The following SORCS1 variants were observed in gnomAD, a reference collection of about 807,000 sequenced individuals.
SORCS1 encodes VPS10 domain-containing receptor SorCS1.
Under a neutral mutation model 146.1 loss-of-function variants are expected in SORCS1, and 60 were observed. That is an observed-to-expected ratio of 0.41 (90% confidence interval 0.33 to 0.51). The LOEUF is 0.51. Among genes scored for constraint, SORCS1 ranks in the 20% least tolerant of loss-of-function variants. The pLI is 0.21. For synonymous variants in SORCS1, 637 were observed against 584.0 expected, an observed-to-expected ratio of 1.09 and a Z score of -1.31; for missense variants, 1,352 against 1,487.6, an observed-to-expected ratio of 0.91 and a Z score of 1.50.
intron 18 of SORCS1, among the ~76,000 whole-genome samples, chr10:106,644,113 T>C (rs1299862796): frequency 6.6e-6 from 1 of 152,174 alleles, no homozygotes; most frequent in Non-Finnish European, 1.5e-5. Context: ...TTTGCCCAAA[T>C]ACCTAGATAT....
At chr10:106,876,667 C>T (rs1333995340) in intron 2 of SORCS1, among the ~76,000 whole-genome samples, 1 of 152,172 alleles carries the variant, frequency 6.6e-6, no homozygotes, top group Non-Finnish European at 1.5e-5. Flanking sequence ...GTCCATGAGC[C>T]TAATTTTCTC....
intron 5 of SORCS1, among the ~76,000 whole-genome samples, chr10:106,748,992 G>T (rs1857950818): frequency 6.6e-6 from 1 of 152,174 alleles, no homozygotes. Flanking sequence ...TTAAGTTATG[G>T]AGGAACAGAA....
At chr10:107,121,617 T>TAA (rs536852436) in intron 1 of SORCS1, among the ~76,000 whole-genome samples, 1 of 144,876 alleles carries the variant, frequency 6.9e-6, no homozygotes, top group Non-Finnish European at 1.5e-5. Flanking sequence ...GATTCTACAG[T>TAA]AAAAAAAAAA....
chr10:106,675,107 T>C lies in SORCS1; in HGVS notation c.1882A>G (p.Ile628Val), dbSNP rs1326554813. The C allele has an allele frequency of 3.7e-6, 6 of 1,613,978 alleles. No homozygotes were observed. The highest frequency in any genetic ancestry group is 5.1e-6 in the Non-Finnish European group (6 of 1,179,928). The change falls in exon 14 of 26, where the codon ATT (isoleucine) becomes GTT (valine). Residue 628 changes from isoleucine (I) to valine (V), a missense_variant. By Grantham distance (29) the Ile-to-Val change is conservative (BLOSUM62 3). Around this residue, in one of 3 missense-constraint regions of SORCS1, gnomAD observed 648 missense variants for 793.8 expected, o/e 0.82. Coordinates refer to ENST00000263054, the MANE Select transcript of SORCS1 (RefSeq NM_052918.5). ...AGAACCCCATCCACAAAAAGTGGAA[T>C]AGATGTGAAACTGTATTTGCTCCAA... ...RSWSKYSFTS[I>V]PLFVDGVLGE...
At chr10:106,907,835 G>A (rs536972981) in intron 2 of SORCS1, among the ~76,000 whole-genome samples, 12 of 151,658 alleles carry the variant, frequency 7.9e-5, no homozygotes, top group South Asian at 6.3e-4. Context: ...GCTGAGGCAG[G>A]AGAATCGCTT....
At chr10:106,951,000 A>G (rs1008447156) in intron 2 of SORCS1, among the ~76,000 whole-genome samples, 1 of 152,178 alleles carries the variant, frequency 6.6e-6, no homozygotes, top group Non-Finnish European at 1.5e-5. Flanking sequence ...GAAAATATCC[A>G]CATGAGGAAA....
chr10:106,602,512 A>AACACACAC (rs66699179), intron 23 of SORCS1, among the ~76,000 whole-genome samples: 3,368 of 138,782 alleles, frequency 0.024, 57 homozygotes, highest in Middle Eastern at 0.049. Context: ...ATTCCTTCAT[A>AACACACAC]ACACACACAC....
At chr10:106,779,321 G>A (rs1042818885) in intron 3 of SORCS1, among the ~76,000 whole-genome samples, 16 of 152,052 alleles carry the variant, frequency 1.1e-4, no homozygotes, top group African/African-American at 3.4e-4. Flanking sequence ...GAACAAACAG[G>A]TCAATCTGGA....
intron 3 of SORCS1, among the ~76,000 whole-genome samples, chr10:106,782,070 A>C (rs1393644772): frequency 1.3e-5 from 2 of 152,140 alleles, no homozygotes; most frequent in African/African-American, 4.8e-5. Flanking sequence ...TATTAGCACA[A>C]AATCGCGTCA....
intron 2 of SORCS1, among the ~76,000 whole-genome samples, chr10:106,858,140 T>C (rs1252526338): frequency 1.3e-5 from 2 of 152,228 alleles, no homozygotes; most frequent in Non-Finnish European, 2.9e-5. Flanking sequence ...TTCCATTCTG[T>C]CATGTATCAC....
intron 1 of SORCS1, among the ~76,000 whole-genome samples, chr10:107,137,849 C>T (rs975534964): frequency 5.0e-5 from 7 of 141,106 alleles, no homozygotes; most frequent in Non-Finnish European, 7.5e-5. Flanking sequence ...GCAACAAGAG[C>T]GAAACTCCGT....
the SORCS1 span, among the ~76,000 whole-genome samples, chr10:107,174,443 C>T: frequency 6.6e-6 from 1 of 152,032 alleles, no homozygotes; most frequent in African/African-American, 2.4e-5. Flanking sequence ...CTCCTGACCT[C>T]GTGATCCACC....
At chr10:106,921,737 ACT>A (rs1161563446) in intron 2 of SORCS1, among the ~76,000 whole-genome samples, 3 of 152,134 alleles carry the variant, frequency 2.0e-5, no homozygotes, top group East Asian at 3.9e-4. Flanking sequence ...GAAACTATAA[ACT>A]CTGTCGGTAT....
At chr10:106,621,048 T>C (rs1847711293) in intron 19 of SORCS1, among the ~76,000 whole-genome samples, 1 of 152,200 alleles carries the variant, frequency 6.6e-6, no homozygotes, top group South Asian at 2.1e-4. Flanking sequence ...AATGTGTTCG[T>C]GCATGTGTCT....
chr10:107,024,624 CTT>C (rs1322517089), intron 1 of SORCS1, among the ~76,000 whole-genome samples: 2 of 152,082 alleles, frequency 1.3e-5, no homozygotes, highest in Non-Finnish European at 2.9e-5. Flanking sequence ...TGTGTGTAGG[CTT>C]TGAGAGGTAG....
intron 1 of SORCS1, among the ~76,000 whole-genome samples, chr10:107,047,944 G>A (rs1211356437): frequency 5.3e-5 from 8 of 152,086 alleles, no homozygotes; most frequent in African/African-American, 1.4e-4. Context: ...GTAGCCAGGT[G>A]TAGTGGCACA....
intron 3 of SORCS1, among the ~76,000 whole-genome samples, chr10:106,812,503 TTC>T (rs1286058737): frequency 6.6e-6 from 1 of 152,214 alleles, no homozygotes; most frequent in East Asian, 1.9e-4. Flanking sequence ...AAAGGCAGAT[TTC>T]TAGTTCCAAT....
intron 21 of SORCS1, among the ~76,000 whole-genome samples, chr10:106,615,872 G>A (rs1847326911): frequency 6.6e-6 from 1 of 152,098 alleles, no homozygotes; most frequent in African/African-American, 2.4e-5. Context: ...GGCATGGGAG[G>A]TGCTTACAAA....
At chr10:106,953,958 G>A (rs112750888) in intron 2 of SORCS1, among the ~76,000 whole-genome samples, 13 of 152,298 alleles carry the variant, frequency 8.5e-5, no homozygotes, top group African/African-American at 3.1e-4. Flanking sequence ...CAAGTAGACT[G>A]CTCCTTCAGA....
Sources: allele counts gnomAD v4.1 joint callset (sites outside exome capture counted in the v4.1 genomes callset), GRCh38; gene constraint gnomAD v4.1.1; regional missense constraint gnomAD v4.1.1; transcripts MANE v1.5; gene names NCBI Gene and HGNC (gene_info 2026-07-23, HGNC 2026-07-21).